The following BEAN1 variants were observed in gnomAD, a reference collection of about 807,000 sequenced individuals.
BEAN1 encodes the protein brain expressed associated with NEDD4 1.
Under a neutral mutation model 17.7 loss-of-function variants are expected in BEAN1, and 17 were observed. That is an observed-to-expected ratio of 0.96 (90% CI 0.66 to 1.44). The LOEUF is 1.44. BEAN1 is among the 40% of genes most tolerant of loss of function. BEAN1 has a pLI of 0.00. For synonymous variants in BEAN1, 142 were observed against 151.8 expected, an observed-to-expected ratio of 0.94 and a Z score of 0.47; for missense variants, 359 against 374.1, an observed-to-expected ratio of 0.96 and a Z score of 0.33.
In BEAN1 at chr16:66,427,461, G is replaced by C. The variant is rs1280741567; in HGVS notation, c.-83+30G>C. 1 of 151,256 alleles carries C rather than the reference G, an allele frequency of 6.6e-6. No homozygotes were observed. The highest frequency in any genetic ancestry group is 2.4e-5 in the African/African-American group (1 of 41,316). The allele number at this position is 151,256 out of a possible 1,614,324, so 9.4% of individuals were successfully genotyped here. A position where few individuals can be genotyped will look rare whatever the true frequency, so the allele number is the denominator to read the frequency against. On this transcript the variant is annotated intron_variant, in intron 1 of 4. Coordinates refer to ENST00000536005, the MANE Select transcript of BEAN1 (RefSeq NM_001178020.3). The surrounding 1 kb of genome is among the most constrained non-coding windows in gnomAD (Gnocchi z 4.7). ...GGGGCGTGGGGCTGGGCGGCGCGGGGGAGGGGCGGGCGGGGGGTCCCGGCC... is the reference window on the plus strand; with the variant it reads ...GGGGCGTGGGGCTGGGCGGCGCGGGCGAGGGGCGGGCGGGGGGTCCCGGCC...
Position 66,492,972 on chromosome 16 carries a change from G to T in BEAN1, c.158G>T (p.Gly53Val). 3 of 702,888 alleles carry T rather than the reference G, an allele frequency of 4.3e-6. 1 individual carries two copies. The South Asian group carries it at 4.4e-5, about 10-fold the overall frequency. The allele number at this position is 702,888 out of a possible 1,614,324, so 43.5% of individuals were successfully genotyped here. A position where few individuals can be genotyped will look rare whatever the true frequency, so the allele number is the denominator to read the frequency against. ...CCTTGTCTGTTCTAGATGTACACTG[G>T]GAGCTTTACCTACTGGGTGCGATCT... Residue 53 changes from glycine to valine, a missense_variant, in exon 5 of 5, where the codon GGG (glycine) becomes GTG (valine). Physicochemically the swap from Gly to Val is moderately radical, Grantham distance 109. Coordinates refer to the BEAN1 transcript ENST00000561796.
chr16:66,440,192 C>T (rs1395058845), intron 2 of BEAN1, among the ~76,000 whole-genome samples: 3 of 143,048 alleles, frequency 2.1e-5, no homozygotes, highest in Admixed American at 1.5e-4. Flanking sequence ...TGCAGTGGCA[C>T]GATCTCAGCT....
At chr16:66,447,060 A>T (rs1040740326) in intron 2 of BEAN1, among the ~76,000 whole-genome samples, 1 of 152,290 alleles carries the variant, frequency 6.6e-6, no homozygotes, top group African/African-American at 2.4e-5. Flanking sequence ...ACTTGAGCTC[A>T]AGAGTTTGAG....
chr16:66,444,172 G>A (rs188048605), intron 2 of BEAN1, among the ~76,000 whole-genome samples: 3 of 152,190 alleles, frequency 2.0e-5, no homozygotes, highest in Admixed American at 6.5e-5. Context: ...GCCTGATAGC[G>A]GCTGGGTGGC....
intron 2 of BEAN1, among the ~76,000 whole-genome samples, chr16:66,442,825 A>G (rs1396076426): frequency 6.6e-6 from 1 of 152,190 alleles, no homozygotes; most frequent in Non-Finnish European, 1.5e-5. Context: ...CCTTTTGGCT[A>G]CCTTCTCCCT....
chr16:66,490,766 G>T (rs953825210), intron 4 of BEAN1, among the ~76,000 whole-genome samples: 1 of 152,188 alleles, frequency 6.6e-6, no homozygotes, highest in African/African-American at 2.4e-5. Flanking sequence ...CATTTTTTGT[G>T]GGGCAGGGGG....
At chr16:66,448,370 G>A (rs1165900362) in intron 2 of BEAN1, among the ~76,000 whole-genome samples, 2 of 152,150 alleles carry the variant, frequency 1.3e-5, no homozygotes, top group Non-Finnish European at 2.9e-5. Context: ...AATGACAAAC[G>A]GTACAAATCA....
chr16:66,447,847 T>C (rs1353168190), intron 2 of BEAN1, among the ~76,000 whole-genome samples: 2 of 152,230 alleles, frequency 1.3e-5, no homozygotes, highest in Non-Finnish European at 2.9e-5. Context: ...TGGGACCAGG[T>C]CACACAGTAT....
At chr16:66,433,327 TCTCCTAA>T (rs992245641) in intron 1 of BEAN1, among the ~76,000 whole-genome samples, 1 of 152,108 alleles carries the variant, frequency 6.6e-6, no homozygotes, top group Admixed American at 6.5e-5. Flanking sequence ...GCCAGGCTGG[TCTCCTAA>T]CTCCTAACTC....
At chr16:66,437,775 A>C in intron 2 of BEAN1, 74 bp downstream of exon 2, 2 of 1,479,554 alleles carry the variant, frequency 1.4e-6, no homozygotes, top group Non-Finnish European at 1.8e-6. Context: ...GCTGCAGAGA[A>C]CGGCTTGAGG....
intron 1 of BEAN1, among the ~76,000 whole-genome samples, chr16:66,436,000 C>T (rs997262869): frequency 1.3e-5 from 2 of 152,118 alleles, no homozygotes; most frequent in African/African-American, 4.8e-5. Context: ...TATATACCCC[C>T]TCATGACCCC....
chr16:66,467,854 GC>G (rs1457406650), intron 2 of BEAN1, among the ~76,000 whole-genome samples: 1 of 152,236 alleles, frequency 6.6e-6, no homozygotes, highest in Non-Finnish European at 1.5e-5. Flanking sequence ...AGGCTAGTAG[GC>G]TGCAAGAGCC....
At chr16:66,466,297 C>A (rs952005423) in intron 2 of BEAN1, among the ~76,000 whole-genome samples, 17 of 151,846 alleles carry the variant, frequency 1.1e-4, no homozygotes, top group African/African-American at 3.9e-4. Flanking sequence ...AACAAAAAAA[C>A]AACAACAACA....
At chr16:66,439,628 G>A (rs764787944) in intron 2 of BEAN1, among the ~76,000 whole-genome samples, 7 of 152,256 alleles carry the variant, frequency 4.6e-5, no homozygotes, top group Non-Finnish European at 7.4e-5. Context: ...ACTGACATTC[G>A]AGGCCATTTA....
chr16:66,491,126 G>A (rs1262052462), intron 4 of BEAN1, among the ~76,000 whole-genome samples: 2 of 152,226 alleles, frequency 1.3e-5, no homozygotes, highest in Non-Finnish European at 2.9e-5. Context: ...TACCAGGAGA[G>A]AGCAGGGGAG....
At chr16:66,464,731 ATTGATTT>A (rs955473727) in intron 2 of BEAN1, among the ~76,000 whole-genome samples, 1 of 152,198 alleles carries the variant, frequency 6.6e-6, no homozygotes, top group African/African-American at 2.4e-5. Context: ...TAAATATATT[ATTGATTT>A]TTATCTATCA....
intron 4 of BEAN1, among the ~76,000 whole-genome samples, chr16:66,478,775 G>A (rs1359985666): frequency 6.6e-6 from 1 of 152,194 alleles, no homozygotes; most frequent in Non-Finnish European, 1.5e-5. Context: ...ACGAGGGGAG[G>A]GGATCAGGGA....
chr16:66,480,514 A>AC (rs1963943790), intron 4 of BEAN1, 72 bp from the exon 5 acceptor site: 1 of 1,230,202 alleles, frequency 8.1e-7, no homozygotes, highest in East Asian at 2.7e-5. Context: ...CTGCAGATAG[A>AC]CCCCCAGGCC....
chr16:66,428,966 A>T (rs1202501528), intron 1 of BEAN1, among the ~76,000 whole-genome samples: 1 of 152,014 alleles, frequency 6.6e-6, no homozygotes, highest in Non-Finnish European at 1.5e-5. Context: ...CAGGGTGAAA[A>T]GGCTGCATCT....
Sources: allele counts gnomAD v4.1 joint callset (sites outside exome capture counted in the v4.1 genomes callset), GRCh38; gene constraint gnomAD v4.1.1; non-coding constraint Gnocchi (gnomAD v3.1); transcripts MANE v1.5; gene names NCBI Gene and HGNC (gene_info 2026-07-23, HGNC 2026-07-21).